NRG3: variants seen among roughly 807,000 people sequenced by gnomAD.
NRG3 encodes the protein pro-neuregulin-3, membrane-bound isoform.
NRG3 carries 31 observed loss-of-function variants against 66.9 expected under a neutral mutation model. That is an observed-to-expected ratio of 0.46 (90% CI 0.35 to 0.63). The LOEUF (loss-of-function observed/expected upper bound fraction) is 0.63, where lower values mean the gene tolerates loss of function less well. NRG3 is among the 20% of genes least tolerant of loss of function. The pLI is 0.00. For missense variants in NRG3, 910 were observed against 878.9 expected (o/e 1.04, Z -0.45); for synonymous variants, 393 against 359.4 (o/e 1.09, Z -1.06).
At chr10:82,135,503 A>G (rs1157105964) in intron 1 of NRG3, among the ~76,000 whole-genome samples, 3 of 151,818 alleles carry the variant, frequency 2.0e-5, no homozygotes, top group African/African-American at 4.8e-5. Flanking sequence ...TATTTTCTAG[A>G]TTTGGTAGAT....
chr10:82,886,164 C>G (rs1300971043), intron 4 of NRG3, among the ~76,000 whole-genome samples: 3 of 152,186 alleles, frequency 2.0e-5, no homozygotes, highest in Non-Finnish European at 4.4e-5. Context: ...CAGGGCCCGG[C>G]CTTATCAAAG....
chr10:82,918,996 T>C (rs1307550394), intron 4 of NRG3, among the ~76,000 whole-genome samples: 2 of 152,028 alleles, frequency 1.3e-5, no homozygotes, highest in African/African-American at 4.8e-5. Flanking sequence ...GCAGGCCCAA[T>C]GCCTTTAAAC....
chr10:82,906,178 A>G (rs551693156), intron 4 of NRG3, among the ~76,000 whole-genome samples: 1 of 152,250 alleles, frequency 6.6e-6, no homozygotes, highest in Non-Finnish European at 1.5e-5. Context: ...CTATTCCCTC[A>G]AGTAGTCTCC....
At chr10:82,625,054 T>C (rs1337209593) in intron 2 of NRG3, among the ~76,000 whole-genome samples, 1 of 151,742 alleles carries the variant, frequency 6.6e-6, no homozygotes, top group Non-Finnish European at 1.5e-5. Flanking sequence ...GAAGTGAAGC[T>C]GATGCATTTT....
intron 2 of NRG3, among the ~76,000 whole-genome samples, chr10:82,408,729 G>T (rs1258553709): frequency 6.6e-6 from 1 of 150,838 alleles, no homozygotes; most frequent in Non-Finnish European, 1.5e-5. Context: ...GAAAGCTCTT[G>T]GGAAAACTAT....
chr10:82,649,199 T>C (rs1352580428), intron 2 of NRG3, among the ~76,000 whole-genome samples: 2 of 152,176 alleles, frequency 1.3e-5, no homozygotes, highest in African/African-American at 4.8e-5. Context: ...TGTTTGCAGA[T>C]GACATGATTG....
chr10:82,777,629 C>A (rs1240540065), intron 3 of NRG3, among the ~76,000 whole-genome samples: 3 of 152,050 alleles, frequency 2.0e-5, no homozygotes, highest in Non-Finnish European at 4.4e-5. Flanking sequence ...GTAATACTGA[C>A]ATAGCTCTAG....
chr10:82,392,010 AC>A (rs66897219), intron 2 of NRG3, among the ~76,000 whole-genome samples: 26,209 of 108,092 alleles, frequency 0.24, 4,711 homozygotes, highest in East Asian at 0.3. Flanking sequence ...AAAAAAAAAA[AC>A]AAAAAAAAAA....
chr10:82,544,340 G>C (rs1320538997), intron 2 of NRG3, among the ~76,000 whole-genome samples: 2 of 151,930 alleles, frequency 1.3e-5, no homozygotes, highest in African/African-American at 4.8e-5. Flanking sequence ...TTTTGTTTTT[G>C]TTTTTTCCCC....
intron 1 of NRG3, among the ~76,000 whole-genome samples, chr10:82,346,278 T>C (rs1160459777): frequency 2.0e-5 from 3 of 149,872 alleles, no homozygotes; most frequent in African/African-American, 7.5e-5. Flanking sequence ...GCATGAAGGG[T>C]TGTTGAATTT....
At chr10:82,532,803 C>T (rs1847423060) in intron 2 of NRG3, among the ~76,000 whole-genome samples, 1 of 151,348 alleles carries the variant, frequency 6.6e-6, no homozygotes, top group South Asian at 2.1e-4. Context: ...AGTAGAGTTG[C>T]CAGATTATGG....
intron 4 of NRG3, among the ~76,000 whole-genome samples, chr10:82,934,923 AT>A (rs571404058): frequency 5.3e-5 from 8 of 151,878 alleles, no homozygotes; most frequent in Admixed American, 2.0e-4. Flanking sequence ...ACAGGCCAAT[AT>A]TTTTTTTATG....
chr10:82,470,172 GCTCCCGTCTAAACAGAT>G (rs1841114148), intron 2 of NRG3, among the ~76,000 whole-genome samples: 1 of 152,168 alleles, frequency 6.6e-6, no homozygotes, highest in South Asian at 2.1e-4. Context: ...GGGTTTCTGA[GCTCCCGTCTAAACAGAT>G]CTCTATTTAT....
intron 2 of NRG3, among the ~76,000 whole-genome samples, chr10:82,430,623 C>A (rs2089743656): frequency 6.6e-6 from 1 of 151,948 alleles, no homozygotes; most frequent in Non-Finnish European, 1.5e-5. Context: ...AATCAAATAC[C>A]CCTCCCCTTT....
chr10:82,710,066 A>G (rs906725521), intron 2 of NRG3, among the ~76,000 whole-genome samples: 6 of 152,218 alleles, frequency 3.9e-5, no homozygotes, highest in African/African-American at 1.4e-4. Flanking sequence ...ATTTACACAT[A>G]CTGATTTTAT....
chr10:81,971,966 G>T (rs2059950344), intron 1 of NRG3, among the ~76,000 whole-genome samples: 1 of 152,140 alleles, frequency 6.6e-6, no homozygotes, highest in Non-Finnish European at 1.5e-5. Flanking sequence ...CTAGGTTTTG[G>T]AAATAACTAC....
chr10:82,649,843 G>A (rs1456748523), intron 2 of NRG3, among the ~76,000 whole-genome samples: 1 of 152,010 alleles, frequency 6.6e-6, no homozygotes, highest in Non-Finnish European at 1.5e-5. Flanking sequence ...TCTTAGTGGT[G>A]GAATTTGGGT....
intron 4 of NRG3, among the ~76,000 whole-genome samples, chr10:82,890,645 G>A (rs1843071467): frequency 6.6e-6 from 1 of 152,002 alleles, no homozygotes; most frequent in Non-Finnish European, 1.5e-5. Context: ...TAGCATCGTT[G>A]GACCATAAGA....
intron 1 of NRG3, among the ~76,000 whole-genome samples, chr10:82,230,767 A>C (rs933031287): frequency 1.3e-5 from 2 of 152,206 alleles, no homozygotes; most frequent in Non-Finnish European, 2.9e-5. Context: ...GAAATAATTT[A>C]TCTGATACAA....
Sources: allele counts gnomAD v4.1 joint callset (sites outside exome capture counted in the v4.1 genomes callset), GRCh38; gene constraint gnomAD v4.1.1; transcripts MANE v1.5; gene names NCBI Gene and HGNC (gene_info 2026-07-23, HGNC 2026-07-21).